RNF152: variants seen among roughly 807,000 people sequenced by gnomAD.
RNF152 encodes E3 ubiquitin-protein ligase RNF152.
RNF152 carries 11 observed loss-of-function variants against 12.7 expected under a neutral mutation model. That is an observed-to-expected ratio of 0.86 (90% confidence interval 0.54 to 1.43). The LOEUF is 1.43. Ranked by LOEUF, RNF152 falls within the 40% of genes most tolerant of loss-of-function variation. The pLI, the probability that RNF152 is intolerant of heterozygous loss-of-function variation, is 0.00. For missense variants in RNF152, 255 were observed against 274.8 expected, an observed-to-expected ratio of 0.93 and a Z score of 0.51; for synonymous variants, 113 against 120.3, an observed-to-expected ratio of 0.94 and a Z score of 0.40.
At chr18:61,871,028 T>C (rs1911967959) in intron 1 of RNF152, among the ~76,000 whole-genome samples, 1 of 152,148 alleles carries the variant, frequency 6.6e-6, no homozygotes, top group Non-Finnish European at 1.5e-5. Context: ...GAGAGGCTGT[T>C]ACTAGAATTC....
intron 1 of RNF152, among the ~76,000 whole-genome samples, chr18:61,835,311 G>C (rs1289659171): frequency 6.6e-6 from 1 of 152,230 alleles, no homozygotes; most frequent in African/African-American, 2.4e-5. Context: ...ACCTGATGGA[G>C]TGGTATGTGT....
At chr18:61,859,722 T>C (rs1911378161) in intron 1 of RNF152, among the ~76,000 whole-genome samples, 1 of 151,808 alleles carries the variant, frequency 6.6e-6, no homozygotes, top group South Asian at 2.1e-4. Context: ...CTACTAAAAG[T>C]ACAAAAATTA....
chr18:61,885,865 T>C (rs1218180495), intron 1 of RNF152, among the ~76,000 whole-genome samples: 1 of 151,958 alleles, frequency 6.6e-6, no homozygotes, highest in Non-Finnish European at 1.5e-5. Context: ...TCATCACAAA[T>C]CCAGGCATCA....
At chr18:61,877,410 T>C (rs921928273) in intron 1 of RNF152, among the ~76,000 whole-genome samples, 1 of 152,212 alleles carries the variant, frequency 6.6e-6, no homozygotes, top group African/African-American at 2.4e-5. Context: ...TATTTATTAA[T>C]GGTGTGGGAA....
Position 61,813,753 on chromosome 18 carries a change from T to A in RNF152, c.*2099A>T, listed in dbSNP as rs1391881564. ...CTTAAAATTGCAAGGGCAAAGTCTA[T>A]TCGAAATGTAGCATTCTTAATGCAA... On this transcript the variant is annotated 3_prime_UTR_variant, in exon 2 of 2. Coordinates refer to ENST00000312828, the MANE Select transcript of RNF152 (RefSeq NM_173557.3). 1 of 152,222 alleles carries A rather than the reference T, an allele frequency of 6.6e-6. No individual in the cohort carries two copies. Among genetic ancestry groups the A allele is most frequent in the Non-Finnish European group, 1.5e-5 (1 of 68,038 alleles). 9.4% of individuals were successfully genotyped at this position (152,222 alleles called of 1,614,324 possible).
intron 1 of RNF152, among the ~76,000 whole-genome samples, chr18:61,882,989 AAC>A (rs1319082153): frequency 6.6e-6 from 1 of 152,224 alleles, no homozygotes; most frequent in East Asian, 1.9e-4. Context: ...AAAGAAAAAA[AAC>A]ACAGTCATGA....
intron 1 of RNF152, among the ~76,000 whole-genome samples, chr18:61,867,664 G>T (rs1288424702): frequency 6.6e-6 from 1 of 152,010 alleles, no homozygotes; most frequent in Non-Finnish European, 1.5e-5. Flanking sequence ...TGTAAACCAG[G>T]CTGAACTCTC....
At chr18:61,824,171 A>G (rs1909549914) in intron 1 of RNF152, among the ~76,000 whole-genome samples, 1 of 152,252 alleles carries the variant, frequency 6.6e-6, no homozygotes, top group African/African-American at 2.4e-5. Context: ...TTGTTTGTAT[A>G]TCTGCCAATC....
intron 1 of RNF152, among the ~76,000 whole-genome samples, chr18:61,848,885 G>C (rs185321554): frequency 2.2e-4 from 34 of 152,312 alleles, no homozygotes; most frequent in Admixed American, 1.8e-3. Flanking sequence ...AGAGAGCCAG[G>C]ACACAGCCCA....
chr18:61,819,758 C>T (rs527968762), intron 1 of RNF152, among the ~76,000 whole-genome samples: 114 of 152,214 alleles, frequency 7.5e-4, no homozygotes, highest in Non-Finnish European at 1.4e-3. Context: ...CAGTGGCTCA[C>T]GCCTGTAATC....
At chr18:61,822,978 T>C (rs1282784737) in intron 1 of RNF152, among the ~76,000 whole-genome samples, 1 of 152,250 alleles carries the variant, frequency 6.6e-6, no homozygotes, top group East Asian at 1.9e-4. Context: ...TTCAGCTGGC[T>C]TGCCAGCCAC....
intron 1 of RNF152, among the ~76,000 whole-genome samples, chr18:61,887,489 C>A (rs1008500858): frequency 2.0e-5 from 3 of 152,058 alleles, no homozygotes; most frequent in South Asian, 4.1e-4. Context: ...GAGCCCAAGG[C>A]GGGTGGATCA....
In RNF152 at chr18:61,810,285, G is replaced by A. The variant is rs968663668; in HGVS notation, c.*5567C>T. 1.3e-4 allele frequency: 20 copies of A among 152,264 alleles called. No homozygotes were observed. Among genetic ancestry groups the A allele is most frequent in the Admixed American group, 1.2e-3 (19 of 15,292 alleles). The allele number at this position is 152,264 out of a possible 1,614,324, so 9.4% of individuals were successfully genotyped here. A position where few individuals can be genotyped will look rare whatever the true frequency, so the allele number is the denominator to read the frequency against. On this transcript the variant is annotated 3_prime_UTR_variant, in exon 2 of 2. Coordinates refer to ENST00000312828, the MANE Select transcript of RNF152 (RefSeq NM_173557.3). ...CAGCTAAATCGTGGTGTGTGTGTGT[G>A]TGTGTGTGTAGTAAGTCAGTTGTGT... is the stretch of plus-strand genomic sequence containing the variant.
At chr18:61,847,028 T>A (rs1910768962) in intron 1 of RNF152, among the ~76,000 whole-genome samples, 2 of 151,520 alleles carry the variant, frequency 1.3e-5, no homozygotes, top group Non-Finnish European at 2.9e-5. Context: ...TAAATGGGGG[T>A]AAGTAGCAAG....
intron 1 of RNF152, among the ~76,000 whole-genome samples, chr18:61,878,059 G>C (rs1331397794): frequency 1.3e-5 from 2 of 152,226 alleles, no homozygotes; most frequent in Non-Finnish European, 2.9e-5. Flanking sequence ...CAGCAGATTA[G>C]AAAGAGAACG....
At chr18:61,877,758 CT>C (rs1055508423) in intron 1 of RNF152, among the ~76,000 whole-genome samples, 5 of 152,240 alleles carry the variant, frequency 3.3e-5, no homozygotes, top group African/African-American at 9.6e-5. Flanking sequence ...AAATCTGTCC[CT>C]TTTTTTGTGT....
chr18:61,853,830 C>T (rs868684896), intron 1 of RNF152, among the ~76,000 whole-genome samples: 10 of 152,166 alleles, frequency 6.6e-5, no homozygotes, highest in African/African-American at 2.4e-4. Flanking sequence ...ATGTAGGTAA[C>T]ATATTCACAA....
chr18:61,886,416 CTCTT>C (rs1329760414), intron 1 of RNF152, among the ~76,000 whole-genome samples: 1 of 152,222 alleles, frequency 6.6e-6, no homozygotes, highest in Non-Finnish European at 1.5e-5. Context: ...GAACTGAGAT[CTCTT>C]TGAGTGCCTA....
chr18:61,871,676 G>A (rs368706136), intron 1 of RNF152, among the ~76,000 whole-genome samples: 19 of 152,260 alleles, frequency 1.2e-4, no homozygotes, highest in Admixed American at 2.6e-4. Flanking sequence ...TCCCGATGCC[G>A]AGCCTTCAGA....
Sources: gnomAD v4.1 joint callset for allele counts (sites outside exome capture counted in the v4.1 genomes callset) on GRCh38, gnomAD v4.1.1 for gene constraint, MANE v1.5 for transcripts, NCBI Gene and HGNC (gene_info 2026-07-23, HGNC 2026-07-21) for gene names.